The following ETV1 variants were observed in gnomAD, a reference collection of about 807,000 sequenced individuals.
ETV1 encodes ETS variant transcription factor 1.
A neutral mutation model predicts 62.3 loss-of-function variants in ETV1; 27 were observed. The observed-to-expected ratio is 0.43, with a 90% CI of 0.32 to 0.60. ETV1 has a LOEUF of 0.60. Among genes scored for constraint, ETV1 ranks in the 20% least tolerant of loss-of-function variants. The pLI is 0.06. For missense variants in ETV1, 605 were observed against 605.8 expected (o/e 1.00, Z 0.01); for synonymous variants, 222 against 199.6 (o/e 1.11, Z -0.94).
chr7:13,975,658 G>T (rs1339898191), intron 6 of ETV1, among the ~76,000 whole-genome samples: 1 of 149,152 alleles, frequency 6.7e-6, no homozygotes, highest in East Asian at 2.0e-4. Context: ...GAGGAGGGAA[G>T]GAAGATGAGT....
At position 13,989,390 on chromosome 7, in the gene ETV1, C is replaced by A; in HGVS notation, c.-210G>T. On this transcript the variant is annotated 5_prime_UTR_variant, in exon 2 of 14. Coordinates refer to ENST00000430479, the MANE Select transcript of ETV1 (RefSeq NM_004956.5). ...GTTTCCCTGCGCGGTCGGTGTACCC[C>A]GGGCAGCTCTGATTCGCAAACGTGT... is the stretch of plus-strand genomic sequence containing the variant. The A allele has an allele frequency of 4.3e-6, 2 of 461,188 alleles. No individual in the cohort carries two copies. The highest frequency in any genetic ancestry group is 7.6e-6 in the Non-Finnish European group (2 of 263,814). 28.6% of individuals were successfully genotyped at this position (461,188 alleles called of 1,614,324 possible).
chr7:13,910,689 A>G (rs929586506), intron 10 of ETV1, among the ~76,000 whole-genome samples: 20 of 152,140 alleles, frequency 1.3e-4, no homozygotes, highest in Admixed American at 1.2e-3. Flanking sequence ...CATTTTTACC[A>G]TTACTTTTTA....
intron 5 of ETV1, among the ~76,000 whole-genome samples, chr7:13,980,100 C>G (rs1781836970): frequency 6.6e-6 from 1 of 152,160 alleles, no homozygotes; most frequent in Non-Finnish European, 1.5e-5. Flanking sequence ...ATACTTCACA[C>G]TTATTCCTGA....
Position 13,931,807 on chromosome 7 carries a change from T to C in ETV1, c.555-58A>G. The C allele has an allele frequency of 3.8e-6, 6 of 1,588,204 alleles. No homozygotes were observed. In the East Asian group the frequency reaches 6.7e-5, roughly 18 times the overall value. On this transcript the variant is annotated intron_variant, in intron 8 of 13. Coordinates refer to ENST00000430479, the MANE Select transcript of ETV1 (RefSeq NM_004956.5). ...CGGTAACATGGAACATTCTTTAAAA[T>C]ACGGATACGGTTTTCCATTTCTTAG...
chr7:13,927,837 T>C (rs1396344544), intron 9 of ETV1, among the ~76,000 whole-genome samples: 1 of 152,214 alleles, frequency 6.6e-6, no homozygotes, highest in East Asian at 1.9e-4. Context: ...AATTTTACCA[T>C]TTAACTATTC....
At chr7:13,950,473 A>G (rs1788668735) in intron 6 of ETV1, among the ~76,000 whole-genome samples, 1 of 152,082 alleles carries the variant, frequency 6.6e-6, no homozygotes, top group Admixed American at 6.5e-5. Flanking sequence ...TAAATGAAGG[A>G]GATACAGTTT....
intron 9 of ETV1, among the ~76,000 whole-genome samples, chr7:13,919,736 T>C (rs1784615531): frequency 6.6e-6 from 1 of 152,166 alleles, no homozygotes; most frequent in Non-Finnish European, 1.5e-5. Flanking sequence ...TTAACTCATT[T>C]AAGTATAGAA....
At chr7:13,936,767 G>T (rs142805864) in intron 7 of ETV1, among the ~76,000 whole-genome samples, 1 of 152,082 alleles carries the variant, frequency 6.6e-6, no homozygotes, top group Non-Finnish European at 1.5e-5. Flanking sequence ...TTTGCTGGGC[G>T]CAGTGGCTCA....
At position 13,977,525 on chromosome 7, in the gene ETV1, C is replaced by T. The variant is rs747913550; in HGVS notation, c.182-45G>A. 6.7e-5 allele frequency: 88 copies of T among 1,306,100 alleles called. 1 individual carries two copies. The South Asian group carries it at 1.1e-3, about 16-fold the overall frequency. The allele number at this position is 1,306,100 out of a possible 1,614,324, so 80.9% of individuals were successfully genotyped here. On this transcript the variant is annotated intron_variant, in intron 5 of 13. Coordinates refer to ENST00000430479, the MANE Select transcript of ETV1 (RefSeq NM_004956.5). ...TTAAAAAAAATTAAGAGAGAAACTG[C>T]CAAAAGCATAAGGAATGTCAAGTAA...
At chr7:13,985,023 C>T (rs1180217899) in intron 5 of ETV1, among the ~76,000 whole-genome samples, 1 of 151,904 alleles carries the variant, frequency 6.6e-6, no homozygotes, top group African/African-American at 2.4e-5. Context: ...TATGCACATT[C>T]AAAATCTGCC....
rs117309005 is a variant in ETV1, at chr7:13,961,110, C to T, written c.235+16317G>A. On this transcript the variant is annotated intron_variant, in intron 6 of 13. Coordinates refer to ENST00000430479, the MANE Select transcript of ETV1 (RefSeq NM_004956.5). ...GCAGTGAGCCATGATTGCCCCACTG[C>T]ACTCCAGCCTGGAAAACAGAGCAAG... 6.6e-3 allele frequency among the ~76,000 whole-genome samples: 1,002 copies of T among 151,242 alleles called. 41 individuals are homozygous for T. In the East Asian group the frequency reaches 0.12, roughly 18 times the overall value.
chr7:13,960,335 C>T (rs1465286534), intron 6 of ETV1, among the ~76,000 whole-genome samples: 2 of 152,040 alleles, frequency 1.3e-5, no homozygotes, highest in Non-Finnish European at 2.9e-5. Context: ...AAGTCCTCTG[C>T]CCTAAAAACA....
chr7:13,989,313 G>T lies in ETV1; in HGVS notation c.-133C>A. Reference sequence around the variant, plus strand: ...CAGAGTTCACAATTTACATATTTTCGGTAGTAGCAAAAATCCGAACAAGAG... The same window carrying T: ...CAGAGTTCACAATTTACATATTTTCTGTAGTAGCAAAAATCCGAACAAGAG... On this transcript the variant is annotated 5_prime_UTR_variant, in exon 2 of 14. Coordinates refer to ENST00000430479, the MANE Select transcript of ETV1 (RefSeq NM_004956.5). The T allele has an allele frequency of 2.0e-6, 1 of 490,486 alleles. No individual in the cohort carries two copies. Among genetic ancestry groups the T allele is most frequent in the Non-Finnish European group, 3.6e-6 (1 of 280,244 alleles). The allele number at this position is 490,486 out of a possible 1,614,324, so 30.4% of individuals were successfully genotyped here. A position where few individuals can be genotyped will look rare whatever the true frequency, so the allele number is the denominator to read the frequency against.
chr7:13,907,545 CA>C (rs34369528), intron 11 of ETV1, among the ~76,000 whole-genome samples: 4 of 150,200 alleles, frequency 2.7e-5, no homozygotes, highest in Admixed American at 6.6e-5. Context: ...ATTAATTTTA[CA>C]AAAAAAAATA....
At chr7:13,918,759 G>C (rs938994059) in intron 9 of ETV1, among the ~76,000 whole-genome samples, 2 of 151,092 alleles carry the variant, frequency 1.3e-5, no homozygotes, top group Non-Finnish European at 2.9e-5. Context: ...AGCATTGGGA[G>C]ATATACCTAA....
intron 5 of ETV1, 68 bp downstream of exon 5, chr7:13,986,570 G>A: frequency 1.2e-6 from 2 of 1,602,856 alleles, no homozygotes; most frequent in Non-Finnish European, 1.7e-6. Flanking sequence ...AAGACAGCAA[G>A]TTCAGGACTT....
In ETV1 at chr7:13,903,480, C is replaced by T. The variant is rs141406923; in HGVS notation, c.1111-2641G>A. On this transcript the variant is annotated intron_variant, in intron 12 of 13. Coordinates refer to ENST00000430479, the MANE Select transcript of ETV1 (RefSeq NM_004956.5). ...ACTTTCTATGTTAATAATTGTTTCC[C>T]GGCCGGGCACAGTGGCTCACACCTG... Among the ~76,000 whole-genome samples the T allele has an allele frequency of 1.1e-4, 17 of 151,810 alleles. No homozygotes were observed. The East Asian group carries it at 2.7e-3, about 24-fold the overall frequency.
At chr7:13,927,329 G>A (rs1440850413) in intron 9 of ETV1, among the ~76,000 whole-genome samples, 2 of 152,146 alleles carry the variant, frequency 1.3e-5, no homozygotes, top group Non-Finnish European at 2.9e-5. Context: ...GCACACGCCT[G>A]TAGTCCCAAC....
intron 8 of ETV1, among the ~76,000 whole-genome samples, chr7:13,935,224 A>G (rs1426406512): frequency 6.6e-6 from 1 of 152,168 alleles, no homozygotes; most frequent in South Asian, 2.1e-4. Context: ...TTAAATATTA[A>G]TCACCTGGAA....
Sources: gnomAD v4.1 joint callset for allele counts (sites outside exome capture counted in the v4.1 genomes callset) on GRCh38, gnomAD v4.1.1 for gene constraint, MANE v1.5 for transcripts, NCBI Gene and HGNC (gene_info 2026-07-23, HGNC 2026-07-21) for gene names.